The following ATM variants were observed in gnomAD, a reference collection of about 807,000 sequenced individuals.
The protein encoded by ATM is ATM serine/threonine kinase.
Under a neutral mutation model 387.0 loss-of-function variants are expected in ATM, and 308 were observed. That is an observed-to-expected ratio of 0.80 (90% CI 0.73 to 0.87). The LOEUF is 0.87. ATM is among the 40% of genes least tolerant of loss of function. The pLI is 0.00. For synonymous variants in ATM, 1,156 were observed against 1,187.3 expected, an observed-to-expected ratio of 0.97 and a Z score of 0.54; for missense variants, 3,312 against 3,560.9, an observed-to-expected ratio of 0.93 and a Z score of 1.78.
intron 34 of ATM, among the ~76,000 whole-genome samples, chr11:108,300,878 C>CT (rs11305754): frequency 0.021 from 2,194 of 102,574 alleles, 67 homozygotes; most frequent in African/African-American, 0.046. Flanking sequence ...TCATCTCTCT[C>CT]TTTTTTTTTT....
chr11:108,288,820 G>A (rs1335214621), intron 27 of ATM, among the ~76,000 whole-genome samples, 157 bp from the exon 28 acceptor site: 1 of 152,144 alleles, frequency 6.6e-6, no homozygotes, highest in Non-Finnish European at 1.5e-5. Context: ...ACTGTGATAT[G>A]TCATTTGTGA....
At chr11:108,312,798 T>G (rs1326817808) in intron 40 of ATM, among the ~76,000 whole-genome samples, 1 of 152,180 alleles carries the variant, frequency 6.6e-6, no homozygotes. Context: ...TTTATAGCAC[T>G]TAGGGTTTAT....
At chr11:108,297,015 T>G in intron 32 of ATM, 1 of 394,368 alleles carries the variant, frequency 2.5e-6, no homozygotes, top group Non-Finnish European at 4.7e-6. Context: ...CTTCTGTTTG[T>G]GATTTTGCTA....
chr11:108,263,882 A>G (rs1337867103), intron 16 of ATM, among the ~76,000 whole-genome samples: 3 of 151,024 alleles, frequency 2.0e-5, no homozygotes, highest in Non-Finnish European at 4.4e-5. Flanking sequence ...AAAATCTAGA[A>G]GAAATGGATA....
intron 47 of ATM, 168 bp from the exon 48 acceptor site, chr11:108,327,477 T>C: frequency 1.7e-6 from 1 of 590,182 alleles, no homozygotes. Context: ...ATTTCCTACA[T>C]GGGATTATTA....
intron 61 of ATM, among the ~76,000 whole-genome samples, chr11:108,357,629 T>C (rs227049): frequency 1 from 151,420 of 152,144 alleles, 75,357 homozygotes; most frequent in Middle Eastern, 1. Context: ...TCAAGTGGGT[T>C]CCTGACCCCT....
In ATM at chr11:108,333,872, A is replaced by C. The variant is rs1328908562; in HGVS notation, c.7928-14A>C. ...CTCAGTTTGTCACTAAAATCTCTTC[A>C]TTTTTAAATACAGAAGGCATAAATA... On this transcript the variant is annotated splice_polypyrimidine_tract_variant and intron_variant, in intron 53 of 62. Coordinates refer to ENST00000675843, the MANE Select transcript of ATM (RefSeq NM_000051.4). 6.3e-7 allele frequency: 1 copy of C among 1,586,140 alleles called. No homozygotes were observed. Among genetic ancestry groups the C allele is most frequent in the Non-Finnish European group, 8.7e-7 (1 of 1,154,690 alleles).
chr11:108,353,650 T>G (rs1211714405), intron 59 of ATM, 116 bp from the exon 60 acceptor site: 2 of 806,288 alleles, frequency 2.5e-6, no homozygotes, highest in Admixed American at 3.6e-5. Context: ...TACATACTAG[T>G]GTTCATAGAA....
rs2084322492 is a variant in ATM, at chr11:108,313,177, C to G, written c.6006+679C>G. On this transcript the variant is annotated intron_variant, in intron 40 of 62. Coordinates refer to ENST00000675843, the MANE Select transcript of ATM (RefSeq NM_000051.4). ...ATCCTTCTATTTGAGACTAATTCTT[C>G]CTGTGCTTTGTTTTTTTATCTGCTC... is the stretch of plus-strand genomic sequence containing the variant. Among the ~76,000 whole-genome samples the G allele has an allele frequency of 3.9e-5, 6 of 152,202 alleles. No individual in the cohort carries two copies. In the South Asian group the frequency reaches 1.2e-3, roughly 31 times the overall value.
At position 108,319,933 on chromosome 11, in the gene ATM, T is replaced by C. The variant is rs760637523; in HGVS notation, c.6348-21T>C. The C allele has an allele frequency of 3.2e-6, 5 of 1,542,600 alleles. No homozygotes were observed. The South Asian group carries it at 5.6e-5, about 17-fold the overall frequency. On this transcript the variant is annotated intron_variant, in intron 43 of 62. Coordinates refer to ENST00000675843, the MANE Select transcript of ATM (RefSeq NM_000051.4). ...AGGGTTCTGTTTTTAAGTATATTTT[T>C]TTCTTTGACTTATCTCACAGCAAAG... is the stretch of plus-strand genomic sequence containing the variant.
At chr11:108,316,753 CAA>C (rs58165074) in intron 42 of ATM, among the ~76,000 whole-genome samples, 5 of 72,422 alleles carry the variant, frequency 6.9e-5, no homozygotes, top group African/African-American at 1.1e-4. Context: ...ACTAAAAATA[CAA>C]AAAAAAAAAA....
At chr11:108,295,381 T>C (rs994841725) in intron 32 of ATM, 4 of 318,822 alleles carry the variant, frequency 1.3e-5, no homozygotes, top group South Asian at 3.0e-5. Flanking sequence ...GGCTGGAGTG[T>C]AGTGGCACCA....
Position 108,366,450 on chromosome 11 carries a change from A to G in ATM, c.*942A>G. On this transcript the variant is annotated 3_prime_UTR_variant, in exon 63 of 63. Transcript: ENST00000675843. ...TATTTTAAATGTCTGTACTTGATAG[A>G]CACTGTAATAGTTCTATTAAATTTA... 1 of 222,590 alleles carries G rather than the reference A, an allele frequency of 4.5e-6. No homozygotes were observed. Among genetic ancestry groups the G allele is most frequent in the Non-Finnish European group, 9.0e-6 (1 of 111,460 alleles). 13.8% of individuals were successfully genotyped at this position (222,590 alleles called of 1,614,324 possible).
chr11:108,332,649 T>C lies in ATM; in HGVS notation c.7789-113T>C, dbSNP rs1359348596. The C allele has an allele frequency of 2.6e-6, 3 of 1,143,434 alleles. No homozygotes were observed. In the African/African-American group the frequency reaches 4.7e-5, roughly 18 times the overall value. 70.8% of individuals were successfully genotyped at this position (1,143,434 alleles called of 1,614,324 possible). A position where few individuals can be genotyped will look rare whatever the true frequency, so the allele number is the denominator to read the frequency against. On this transcript the variant is annotated intron_variant, in intron 52 of 62. Transcript: ENST00000675843. Reference sequence around the variant, plus strand: ...GTTTGTATCTGAGGAATTATAATCATTCCATTGTCTAGATTTGTGCATAAA... The same window carrying C: ...GTTTGTATCTGAGGAATTATAATCACTCCATTGTCTAGATTTGTGCATAAA...
chr11:108,354,070 A>AACACACACAAAC, intron 60 of ATM, among the ~76,000 whole-genome samples, 190 bp downstream of exon 60: 1 of 114,948 alleles, frequency 8.7e-6, no homozygotes, highest in African/African-American at 3.0e-5. Flanking sequence ...CACACACACA[A>AACACACACAAAC]ACACACACAC....
At chr11:108,272,644 A>C (rs2081649786) in intron 21 of ATM, 37 bp downstream of exon 21, 1 of 1,612,768 alleles carries the variant, frequency 6.2e-7, no homozygotes, top group Admixed American at 1.7e-5. Flanking sequence ...ATCTCCATTG[A>C]AAATTTTAAA....
At position 108,286,286 on chromosome 11, in the gene ATM, C is replaced by A. The variant is rs1160795308; in HGVS notation, c.3994-1314C>A. The stretch of plus-strand genomic sequence containing the variant: ...CAAGATTGTACCACTGCATTCCAGC[C>A]TGGGCAACAGAGCAAGATTTCGTCT... On this transcript the variant is annotated intron_variant, in intron 26 of 62. Coordinates refer to ENST00000675843, the MANE Select transcript of ATM (RefSeq NM_000051.4). Among the ~76,000 whole-genome samples, 3 of 134,538 alleles carry A rather than the reference C, an allele frequency of 2.2e-5. No individual in the cohort carries two copies. The East Asian group carries it at 6.6e-4, about 30-fold the overall frequency. The allele number at this position is 134,538 out of a possible 152,430, so 88.3% of individuals were successfully genotyped here.
intron 3 of ATM, among the ~76,000 whole-genome samples, chr11:108,228,707 C>T (rs1387242751): frequency 6.6e-6 from 1 of 152,178 alleles, no homozygotes; most frequent in Non-Finnish European, 1.5e-5. Context: ...TAATTACAAC[C>T]TGAAGATGAA....
rs2136239887 is a variant in ATM, at chr11:108,321,344, G to C, written c.6496G>C (p.Val2166Leu). 1 of 1,614,172 alleles carries C rather than the reference G, an allele frequency of 6.2e-7. No homozygotes were observed. Among genetic ancestry groups the C allele is most frequent in the South Asian group, 1.1e-5 (1 of 91,086 alleles). The change falls in exon 45 of 63, where the codon GTG becomes CTG. Residue 2166 changes from valine (V) to leucine (L), a missense_variant. Val to Leu is a conservative substitution (Grantham distance 32). This residue lies in a region of ATM where 1,405 missense variants were observed against 1,604.4 expected (regional missense o/e 0.88). Coordinates refer to ENST00000675843, the MANE Select transcript of ATM (RefSeq NM_000051.4). ...EEMCKRSLES[V>L]YSLYPTLSRL... is the part of the protein sequence containing the mutation. ...GATGTGTAAGCGCAGCCTTGAGTCT[G>C]TGTATTCGCTCTATCCCACACTTAG...
Sources: allele counts gnomAD v4.1 joint callset (sites outside exome capture counted in the v4.1 genomes callset), GRCh38; gene constraint gnomAD v4.1.1; regional missense constraint gnomAD v4.1.1; transcripts MANE v1.5; gene names NCBI Gene and HGNC (gene_info 2026-07-23, HGNC 2026-07-21).